Variants in VTA1 observed in about 807,000 individuals in gnomAD.
VTA1 encodes the protein vacuolar protein sorting-associated protein VTA1 homolog.
VTA1 carries 24 observed loss-of-function variants against 36.9 expected under a neutral mutation model. The ratio of observed to expected loss-of-function variants is 0.65; its 90% confidence interval spans 0.47 to 0.91. The LOEUF (loss-of-function observed/expected upper bound fraction) is 0.91, where lower values mean the gene tolerates loss of function less well. Ranked by LOEUF, VTA1 falls within the 40% of genes least tolerant of loss-of-function variation. VTA1 has a pLI of 0.00. For synonymous variants in VTA1, 142 were observed against 130.2 expected (o/e 1.09, Z -0.62); for missense variants, 393 against 377.2 (o/e 1.04, Z -0.35).
chr6:142,179,017 T>C (rs1260572694), intron 4 of VTA1, among the ~76,000 whole-genome samples: 1 of 152,010 alleles, frequency 6.6e-6, no homozygotes, highest in Non-Finnish European at 1.5e-5. Flanking sequence ...TAATAATGGG[T>C]CAGTTCATCA....
At chr6:142,158,839 A>G (rs967098529) in intron 1 of VTA1, among the ~76,000 whole-genome samples, 5 of 152,030 alleles carry the variant, frequency 3.3e-5, no homozygotes, top group African/African-American at 9.7e-5. Context: ...ATCATAGTCT[A>G]CTGTCTCATA....
chr6:142,190,139 G>T lies in VTA1; in HGVS notation c.520+605G>T, dbSNP rs1203033780. On this transcript the variant is annotated intron_variant, in intron 5 of 7. Transcript: ENST00000367630. The stretch of plus-strand genomic sequence containing the variant: ...TTATAAAATGTTTTCAAACCACGAA[G>T]AATACCGTATCATTTTTTGTAAATC... Among the ~76,000 whole-genome samples the T allele has an allele frequency of 2.0e-5, 3 of 152,124 alleles. No individual in the cohort carries two copies. The East Asian group carries it at 5.8e-4, about 29-fold the overall frequency.
At chr6:142,183,011 G>A (rs1318500487) in intron 4 of VTA1, among the ~76,000 whole-genome samples, 1 of 152,030 alleles carries the variant, frequency 6.6e-6, no homozygotes, top group Non-Finnish European at 1.5e-5. Context: ...AGGAAAACCC[G>A]GAGGTCTTGA....
At chr6:142,174,607 A>G (rs1025283731) in intron 4 of VTA1, among the ~76,000 whole-genome samples, 15 of 152,140 alleles carry the variant, frequency 9.9e-5, no homozygotes, top group African/African-American at 3.6e-4. Flanking sequence ...TGAAAAGGAC[A>G]TGAGATTTGA....
At chr6:142,187,612 ATG>A (rs1775364057) in intron 4 of VTA1, among the ~76,000 whole-genome samples, 1 of 152,212 alleles carries the variant, frequency 6.6e-6, no homozygotes, top group South Asian at 2.1e-4. Flanking sequence ...TGAAGACTAA[ATG>A]TGGATACTTC....
Position 142,192,036 on chromosome 6 carries a change from G to GTA in VTA1, c.520+2505_520+2506dup, listed in dbSNP as rs549858974. 2.9e-3 allele frequency among the ~76,000 whole-genome samples: 448 copies of GTA among 152,112 alleles called. 1 individual carries two copies. The highest frequency in any genetic ancestry group is 0.01 in the African/African-American group (423 of 41,542). ...GTTAACTTAGATAAAGAACAAAAGA[G>GTA]TATACACTTTTGAAAACAATACTAT... is the stretch of plus-strand genomic sequence containing the variant. On this transcript the variant is annotated intron_variant, in intron 5 of 7. Coordinates refer to ENST00000367630, the MANE Select transcript of VTA1 (RefSeq NM_016485.5).
intron 4 of VTA1, among the ~76,000 whole-genome samples, chr6:142,171,099 C>A (rs960817044): frequency 2.0e-5 from 3 of 150,610 alleles, no homozygotes; most frequent in African/African-American, 7.4e-5. Flanking sequence ...GAGGTAGAAT[C>A]ATTTTTTTTT....
At chr6:142,207,761 A>G (rs993896307) in intron 7 of VTA1, among the ~76,000 whole-genome samples, 3 of 152,170 alleles carry the variant, frequency 2.0e-5, no homozygotes, top group Non-Finnish European at 4.4e-5. Context: ...AACAGCAAAC[A>G]GGGAATCATG....
At chr6:142,154,446 T>C (rs113475424) in intron 1 of VTA1, among the ~76,000 whole-genome samples, 23 of 152,210 alleles carry the variant, frequency 1.5e-4, no homozygotes, top group African/African-American at 5.5e-4. Flanking sequence ...GTATAGTTTT[T>C]GTGTGACCCT....
intron 5 of VTA1, among the ~76,000 whole-genome samples, chr6:142,192,578 A>G (rs748121823): frequency 2.6e-5 from 4 of 152,132 alleles, no homozygotes; most frequent in Non-Finnish European, 2.9e-5. Flanking sequence ...CCTTTGATCC[A>G]GAATTAAACA....
intron 1 of VTA1, among the ~76,000 whole-genome samples, chr6:142,150,695 C>G (rs1458138484): frequency 6.6e-6 from 1 of 152,054 alleles, no homozygotes; most frequent in Non-Finnish European, 1.5e-5. Context: ...AAAAATAAAC[C>G]TTCATTCGGG....
At chr6:142,185,059 A>G (rs1260786205) in intron 4 of VTA1, among the ~76,000 whole-genome samples, 2 of 152,026 alleles carry the variant, frequency 1.3e-5, no homozygotes, top group African/African-American at 4.8e-5. Flanking sequence ...CCTTCTCTCC[A>G]GAATCTTGTT....
intron 7 of VTA1, among the ~76,000 whole-genome samples, chr6:142,205,680 A>G (rs1328413684): frequency 6.6e-6 from 1 of 152,212 alleles, no homozygotes; most frequent in African/African-American, 2.4e-5. Context: ...CTCCAAAATT[A>G]GAATAGGAAA....
rs1776084188 is a variant in VTA1, at chr6:142,220,307, T to C, written c.*1664T>C. 1 of 152,216 alleles carries C rather than the reference T, an allele frequency of 6.6e-6. No homozygotes were observed. Among genetic ancestry groups the C allele is most frequent in the African/African-American group, 2.4e-5 (1 of 41,460 alleles). The allele number at this position is 152,216 out of a possible 1,614,324, so 9.4% of individuals were successfully genotyped here. A position where few individuals can be genotyped will look rare whatever the true frequency, so the allele number is the denominator to read the frequency against. On this transcript the variant is annotated 3_prime_UTR_variant, in exon 8 of 8. Coordinates refer to ENST00000367630, the MANE Select transcript of VTA1 (RefSeq NM_016485.5). ...TTACATGATGTTCAGCAAATTTTAA[T>C]TCAAACCTTGATATGCCTGGACACT...
Position 142,217,229 on chromosome 6 carries a change from A to G in VTA1, c.779-1269A>G, listed in dbSNP as rs193053787. 1.3e-3 allele frequency among the ~76,000 whole-genome samples: 193 copies of G among 152,294 alleles called. 1 individual carries two copies. The highest frequency in any genetic ancestry group is 4.1e-3 in the Admixed American group (62 of 15,292). On this transcript the variant is annotated intron_variant, in intron 7 of 7. Coordinates refer to ENST00000367630, the MANE Select transcript of VTA1 (RefSeq NM_016485.5). Reference sequence around the variant, plus strand: ...CAACAAATATTTGAAGACTTACTCTAGCACCCTACACTAGTAAGTATATGT... The same window carrying G: ...CAACAAATATTTGAAGACTTACTCTGGCACCCTACACTAGTAAGTATATGT...
Position 142,187,912 on chromosome 6 carries a change from C to CTTTTTT in VTA1, c.412-1501_412-1496dup, listed in dbSNP as rs58131768. 2.0e-3 allele frequency among the ~76,000 whole-genome samples: 246 copies of CTTTTTT among 120,532 alleles called. 4 individuals are homozygous for CTTTTTT. Among genetic ancestry groups the CTTTTTT allele is most frequent in the Non-Finnish European group, 3.0e-3 (176 of 59,362 alleles). The allele number at this position is 120,532 out of a possible 152,430, so 79.1% of individuals were successfully genotyped here. A position where few individuals can be genotyped will look rare whatever the true frequency, so the allele number is the denominator to read the frequency against. ...ATCTTTGCAAAAGGATACTTTCTTT[C>CTTTTTT]TTTTTTTTTTTTTTTTTTGGCCGGG... On this transcript the variant is annotated intron_variant, in intron 4 of 7. Transcript: ENST00000367630.
intron 7 of VTA1, among the ~76,000 whole-genome samples, chr6:142,215,368 G>T (rs966597825): frequency 6.6e-6 from 1 of 151,656 alleles, no homozygotes; most frequent in Non-Finnish European, 1.5e-5. Flanking sequence ...ATGAACCCGG[G>T]AGGTGAAGCT....
At chr6:142,174,029 A>G (rs148441332) in intron 4 of VTA1, among the ~76,000 whole-genome samples, 168 of 152,298 alleles carry the variant, frequency 1.1e-3, no homozygotes, top group African/African-American at 3.9e-3. Context: ...TGGATAAAGG[A>G]TTCCAGATAG....
At chr6:142,160,505 CT>C (rs1432897597) in intron 1 of VTA1, among the ~76,000 whole-genome samples, 1 of 152,106 alleles carries the variant, frequency 6.6e-6, no homozygotes, top group Non-Finnish European at 1.5e-5. Flanking sequence ...ACCTCTGCCC[CT>C]TAATGTACAA....
Sources: gnomAD v4.1 joint callset for allele counts (sites outside exome capture counted in the v4.1 genomes callset) on GRCh38, gnomAD v4.1.1 for gene constraint, MANE v1.5 for transcripts, NCBI Gene and HGNC (gene_info 2026-07-23, HGNC 2026-07-21) for gene names.